Variants in DCC observed in about 807,000 individuals in gnomAD.
DCC encodes DCC netrin 1 receptor, also known as netrin receptor DCC.
DCC carries 58 observed loss-of-function variants against 172.5 expected under a neutral mutation model. That is an observed-to-expected ratio of 0.34 (90% CI 0.27 to 0.42). The LOEUF (loss-of-function observed/expected upper bound fraction) is 0.42, where lower values mean the gene tolerates loss of function less well. Among genes scored for constraint, DCC ranks in the 10% least tolerant of loss-of-function variants. The probability of loss-of-function intolerance (pLI) is 1.00; values close to 1 mark genes in which losing one functional copy is unlikely to be tolerated. For synonymous variants in DCC, 709 were observed against 644.5 expected (o/e 1.10, Z -1.52); for missense variants, 1,740 against 1,791.0 (o/e 0.97, Z 0.51).
At chr18:52,438,073 C>T (rs576938070) in intron 1 of DCC, among the ~76,000 whole-genome samples, 1 of 152,166 alleles carries the variant, frequency 6.6e-6, no homozygotes, top group Non-Finnish European at 1.5e-5. Flanking sequence ...TGATTAGATG[C>T]CACTGTTATT....
chr18:53,254,499 T>C (rs781656349), intron 12 of DCC, among the ~76,000 whole-genome samples: 1 of 152,020 alleles, frequency 6.6e-6, no homozygotes, highest in Non-Finnish European at 1.5e-5. Context: ...TTCAGTCCCA[T>C]TGAATCCCTC....
At chr18:52,659,470 C>T (rs1262535689) in intron 1 of DCC, among the ~76,000 whole-genome samples, 1 of 152,056 alleles carries the variant, frequency 6.6e-6, no homozygotes, top group Non-Finnish European at 1.5e-5. Context: ...TCTCTAATGC[C>T]CTGCTTTTTA....
At chr18:52,350,412 C>T (rs149691878) in intron 1 of DCC, among the ~76,000 whole-genome samples, 5,152 of 152,146 alleles carry the variant, frequency 0.034, 290 homozygotes, top group African/African-American at 0.11. Flanking sequence ...TCTCAGCAAA[C>T]TAACACAGGA....
intron 1 of DCC, among the ~76,000 whole-genome samples, chr18:52,618,106 C>T (rs150777351): frequency 6.0e-4 from 92 of 152,120 alleles, no homozygotes; most frequent in African/African-American, 2.0e-3. Flanking sequence ...TCATTAAAGC[C>T]ACAAGCTTGC....
chr18:52,479,927 A>C (rs544893800), intron 1 of DCC, among the ~76,000 whole-genome samples: 1 of 152,114 alleles, frequency 6.6e-6, no homozygotes, highest in Non-Finnish European at 1.5e-5. Context: ...ATTGGTAGCA[A>C]ACTATATCCT....
intron 8 of DCC, among the ~76,000 whole-genome samples, chr18:53,169,162 T>C (rs1322170413): frequency 6.6e-6 from 1 of 152,228 alleles, no homozygotes; most frequent in East Asian, 1.9e-4. Context: ...CTTCAAAAGA[T>C]GTCAGTGCTT....
chr18:53,410,528 G>T lies in DCC; in HGVS notation c.3012G>T (p.Arg1004Ser). Reference sequence around the variant, plus strand: ...TTATGGAAACAATCAGTGGTGATAGGCTTACTCATCAAATCATGGATCTCA... The same window carrying T: ...TTATGGAAACAATCAGTGGTGATAGTCTTACTCATCAAATCATGGATCTCA... ...DWIMETISGD[R>S]LTHQIMDLNL... The change falls in exon 20 of 29, where the codon AGG (arginine) becomes AGT (serine). Residue 1004 changes from arginine (R) to serine (S), a missense_variant. Coordinates refer to ENST00000442544, the MANE Select transcript of DCC (RefSeq NM_005215.4). 6.2e-7 allele frequency: 1 copy of T among 1,607,122 alleles called. No homozygotes were observed. The highest frequency in any genetic ancestry group is 8.5e-7 in the Non-Finnish European group (1 of 1,173,750).
chr18:53,502,106 C>CTTA (rs976675246), intron 27 of DCC, among the ~76,000 whole-genome samples: 1 of 152,132 alleles, frequency 6.6e-6, no homozygotes, highest in African/African-American at 2.4e-5. Flanking sequence ...TCATGGTACC[C>CTTA]TTAAGATCCT....
intron 5 of DCC, among the ~76,000 whole-genome samples, chr18:52,999,584 A>T (rs528027311): frequency 1.3e-5 from 2 of 152,176 alleles, no homozygotes; most frequent in South Asian, 4.1e-4. Flanking sequence ...GCTACACTAG[A>T]TGATGTGGGC....
chr18:53,191,184 T>C (rs1280599425), intron 9 of DCC, among the ~76,000 whole-genome samples: 2 of 152,188 alleles, frequency 1.3e-5, no homozygotes, highest in Non-Finnish European at 2.9e-5. Flanking sequence ...GAGGGGTTAA[T>C]TGGCTTGTAG....
At chr18:52,982,545 A>C (rs2041228983) in intron 5 of DCC, among the ~76,000 whole-genome samples, 1 of 151,848 alleles carries the variant, frequency 6.6e-6, no homozygotes, top group Non-Finnish European at 1.5e-5. Flanking sequence ...GGCCTGGATA[A>C]TTCTTTGTTC....
At chr18:53,467,383 T>C (rs2145182795) in intron 24 of DCC, among the ~76,000 whole-genome samples, 1 of 152,286 alleles carries the variant, frequency 6.6e-6, no homozygotes, top group South Asian at 2.1e-4. Context: ...TGTAAATATG[T>C]CTGATCTTAT....
At chr18:53,461,882 C>T (rs551346805) in intron 24 of DCC, among the ~76,000 whole-genome samples, 6 of 152,242 alleles carry the variant, frequency 3.9e-5, no homozygotes, top group African/African-American at 1.4e-4. Context: ...GCTCTAGGGA[C>T]TGGGGGTCAG....
At chr18:52,830,319 T>C (rs1568130763) in intron 2 of DCC, among the ~76,000 whole-genome samples, 1 of 152,176 alleles carries the variant, frequency 6.6e-6, no homozygotes, top group Admixed American at 6.5e-5. Context: ...CAGCTATCGT[T>C]AGTGTATTTT....
intron 12 of DCC, among the ~76,000 whole-genome samples, chr18:53,280,945 T>C (rs1200780846): frequency 1.3e-5 from 2 of 152,110 alleles, no homozygotes; most frequent in Non-Finnish European, 2.9e-5. Context: ...TAAATATTAA[T>C]ATGTATTTAT....
chr18:52,536,738 CG>C (rs1168339893), intron 1 of DCC, among the ~76,000 whole-genome samples: 1 of 152,260 alleles, frequency 6.6e-6, no homozygotes, highest in Non-Finnish European at 1.5e-5. Context: ...TTCAAGCTAG[CG>C]TGACTTTTCC....
intron 7 of DCC, among the ~76,000 whole-genome samples, chr18:53,119,272 G>C (rs576308133): frequency 6.6e-6 from 1 of 151,748 alleles, no homozygotes; most frequent in African/African-American, 2.4e-5. Flanking sequence ...CTTTGGTCTT[G>C]TCCTTATTTT....
At chr18:52,659,306 C>T (rs754058423) in intron 1 of DCC, among the ~76,000 whole-genome samples, 1 of 152,198 alleles carries the variant, frequency 6.6e-6, no homozygotes, top group East Asian at 1.9e-4. Flanking sequence ...ACACTATCCT[C>T]CAGGATCCTA....
chr18:53,001,973 A>C (rs2143845737), intron 5 of DCC, among the ~76,000 whole-genome samples: 1 of 152,270 alleles, frequency 6.6e-6, no homozygotes, highest in African/African-American at 2.4e-5. Context: ...ACACAATAAA[A>C]AATACTTACT....
Sources: allele counts gnomAD v4.1 joint callset (sites outside exome capture counted in the v4.1 genomes callset), GRCh38; gene constraint gnomAD v4.1.1; transcripts MANE v1.5; gene names NCBI Gene and HGNC (gene_info 2026-07-23, HGNC 2026-07-21).